Variants in SHE observed in about 807,000 individuals in gnomAD.
The protein encoded by SHE is SH2 domain-containing adapter protein E.
A neutral mutation model predicts 49.8 loss-of-function variants in SHE; 11 were observed. The observed-to-expected ratio is 0.22, with a 90% CI of 0.14 to 0.37. The LOEUF (loss-of-function observed/expected upper bound fraction) is 0.37. Among genes scored for constraint, SHE ranks in the 10% least tolerant of loss-of-function variants. The pLI, the probability that SHE is intolerant of heterozygous loss-of-function variation, is 1.00. For missense variants in SHE, 624 were observed against 655.5 expected (o/e 0.95, Z 0.52); for synonymous variants, 310 against 278.1 (o/e 1.11, Z -1.14).
rs1339583783 is a variant in SHE, at chr1:154,501,826, C to A, written c.201G>T (p.Lys67Asn). 2 of 1,550,820 alleles carry A rather than the reference C, an allele frequency of 1.3e-6. No homozygotes were observed. Among genetic ancestry groups the A allele is most frequent in the Admixed American group, 1.9e-5 (1 of 53,930 alleles). The part of the protein sequence containing the change: ...KPGGGGGKLR[K>N]NSEAGGAGPG... ...GCCCAGCGCCGCCCGCCTCCGAGTT[C>A]TTGCGCAATTTGCCGCCGCCGCCCC... Residue 67 changes from lysine (K) to asparagine (N), a missense_variant, in exon 1 of 6, where the codon AAG becomes AAT. Transcript: ENST00000304760.
chr1:154,475,316 A>G (rs1485878350), downstream of SHE, among the ~76,000 whole-genome samples: 1 of 152,126 alleles, frequency 6.6e-6, no homozygotes, highest in Non-Finnish European at 1.5e-5. Context: ...CCTCCTGAGT[A>G]GCTGGGATTA....
rs1202560899 is a variant in SHE, at chr1:154,483,997, C to CAAACA, written c.*147_*151dup. ...TGGGCAACACAGCGAGACTTCGTCTCAAACAAAACAAAACAAATCACTCTC... is the reference window on the plus strand; with the variant it reads ...TGGGCAACACAGCGAGACTTCGTCTCAAACAAAACAAAACAAAACAAATCACTCTC... On this transcript the variant is annotated 3_prime_UTR_variant, in exon 6 of 6. Transcript: ENST00000304760. The CAAACA allele has an allele frequency of 3.0e-5, 43 of 1,427,866 alleles. 1 individual carries two copies. Among genetic ancestry groups the CAAACA allele is most frequent in the African/African-American group, 2.3e-4 (16 of 69,720 alleles). The allele number at this position is 1,427,866 out of a possible 1,614,324, so 88.4% of individuals were successfully genotyped here.
intron 3 of SHE, 86 bp from the exon 4 acceptor site, chr1:154,486,769 G>T: frequency 6.7e-7 from 1 of 1,496,918 alleles, no homozygotes; most frequent in South Asian, 1.2e-5. Flanking sequence ...TGCCTGCCTT[G>T]GCTCAGGAAA....
At chr1:154,476,775 T>C (rs1451137181), downstream of SHE, among the ~76,000 whole-genome samples, 1 of 152,250 alleles carries the variant, frequency 6.6e-6, no homozygotes, top group Non-Finnish European at 1.5e-5. Flanking sequence ...GTTGATAGCT[T>C]GATCAACAAA....
Position 154,501,849 on chromosome 1 carries a change from C to CGCA in SHE, c.177_178insTGC (p.Gly59_Gly60insCys), listed in dbSNP as rs768101029. On this transcript the variant is annotated inframe_insertion, in exon 1 of 6. Coordinates refer to ENST00000304760, the MANE Select transcript of SHE (RefSeq NM_001010846.3). ...TTCTTGCGCAATTTGCCGCCGCCGC[C>CGCA]CCCGGGCTTGGCCCGCTCCGACACG... 29 of 1,539,962 alleles carry CGCA rather than the reference C, an allele frequency of 1.9e-5. No individual in the cohort carries two copies. Among genetic ancestry groups the CGCA allele is most frequent in the East Asian group, 1.5e-4 (6 of 40,768 alleles).
intron 2 of SHE, among the ~76,000 whole-genome samples, chr1:154,490,188 A>T (rs1440840970): frequency 6.6e-6 from 1 of 152,206 alleles, no homozygotes; most frequent in African/African-American, 2.4e-5. Context: ...CACATTCACG[A>T]ATAATATGTA....
intron 1 of SHE, among the ~76,000 whole-genome samples, chr1:154,471,709 G>C (rs966174818): frequency 1.3e-5 from 2 of 151,878 alleles, no homozygotes; most frequent in African/African-American, 4.8e-5. Flanking sequence ...CTCTCTCTGT[G>C]TGTGTGTGTA....
intron 3 of SHE, among the ~76,000 whole-genome samples, chr1:154,487,708 G>T (rs1316350751): frequency 6.6e-6 from 1 of 151,574 alleles, no homozygotes; most frequent in Non-Finnish European, 1.5e-5. Context: ...GAATAATCCG[G>T]GAGTGGTGGT....
At position 154,489,153 on chromosome 1, in the gene SHE, G is replaced by A. The variant is rs751927506; in HGVS notation, c.922C>T (p.Arg308Trp). ...TCGGGCAGCCGGCTGTCTGGGGGCC[G>A]CGCCTTCCCCTCTGCCCTGGGCCCC... ...EGGPRAEGKARPPDSRLPEND... is the reference protein window; with the variant it reads ...EGGPRAEGKAWPPDSRLPEND... Residue 308 changes from arginine (R) to tryptophan (W), a missense_variant, in exon 3 of 6, where the codon CGG (arginine) becomes TGG (tryptophan). Arg to Trp is a moderately radical substitution (Grantham distance 101). This residue lies in a region of SHE where 155 missense variants were observed against 142.0 expected (regional missense o/e 1.09). Transcript: ENST00000304760. The A allele has an allele frequency of 9.3e-6, 15 of 1,613,974 alleles. No homozygotes were observed. The highest frequency in any genetic ancestry group is 3.3e-5 in the Admixed American group (2 of 59,982).
intron 2 of SHE, 152 bp downstream of exon 2, chr1:154,498,960 C>A (rs1692620784): frequency 1.2e-5 from 11 of 931,028 alleles, no homozygotes; most frequent in Non-Finnish European, 1.7e-5. Flanking sequence ...AATAGTCCGA[C>A]ATTAGTTTGG....
In SHE at chr1:154,483,448, G is replaced by A. The variant is rs1692075949; in HGVS notation, c.*701C>T. 8 of 985,244 alleles carry A rather than the reference G, an allele frequency of 8.1e-6. No individual in the cohort carries two copies. In the South Asian group the frequency reaches 1.4e-4, roughly 17 times the overall value. The allele number at this position is 985,244 out of a possible 1,614,324, so 61.0% of individuals were successfully genotyped here. A position where few individuals can be genotyped will look rare whatever the true frequency, so the allele number is the denominator to read the frequency against. On this transcript the variant is annotated 3_prime_UTR_variant, in exon 6 of 6. Coordinates refer to ENST00000304760, the MANE Select transcript of SHE (RefSeq NM_001010846.3). ...ATCCTCTTCCAGTCTGCACCATCAT[G>A]TGGAAAAGCCACGTGGATTTTTTGT...
chr1:154,486,537 C>T lies in SHE; in HGVS notation c.1171G>A (p.Glu391Lys). ...GAGGAGGAGACTCACGGCTGCTTCT[C>T]CAGGGGCAGGCCCGGGTCCACTTTC... ...GEKVDPGLPL[E>K]KQPWYHGAIS... Residue 391 changes from glutamate to lysine, a missense_variant, in exon 4 of 6, where the codon GAG (glutamate) becomes AAG (lysine). Coordinates refer to ENST00000304760, the MANE Select transcript of SHE (RefSeq NM_001010846.3). The T allele has an allele frequency of 6.2e-7, 1 of 1,614,116 alleles. No individual in the cohort carries two copies. Among genetic ancestry groups the T allele is most frequent in the Non-Finnish European group, 8.5e-7 (1 of 1,180,012 alleles).
chr1:154,494,206 TTTC>T (rs1355608028), intron 2 of SHE, among the ~76,000 whole-genome samples: 11 of 152,296 alleles, frequency 7.2e-5, no homozygotes, highest in Admixed American at 5.9e-4. Context: ...ACTTTAATAT[TTTC>T]TTATTGAATA....
Position 154,489,217 on chromosome 1 carries a change from C to T in SHE, c.858G>A (p.Pro286=), listed in dbSNP as rs897133025. The T allele has an allele frequency of 3.1e-6, 5 of 1,614,062 alleles. No individual in the cohort carries two copies. Among genetic ancestry groups the T allele is most frequent in the African/African-American group, 2.7e-5 (2 of 74,912 alleles). ...CGTAGGGAGTGTCGTATAGCTGTGG[C>T]GGCTTCCCCAGGAGGTCCTTGGAAC... is the stretch of plus-strand genomic sequence containing the variant. ...RRSSKDLLGK[P]PQLYDTPYEP... Residue 286 remains proline (P), a synonymous_variant, in exon 3 of 6, where the codon CCG becomes CCA. Transcript: ENST00000304760.
At chr1:154,470,297 T>C in exon 2 of SHE, 3 of 1,288,694 alleles carry the variant, frequency 2.3e-6, no homozygotes, top group Non-Finnish European at 2.0e-6. Context: ...CTTCATGGCA[T>C]TGCTGTTAGG....
At chr1:154,488,957 A>G (rs1028429814) in intron 3 of SHE, 94 bp downstream of exon 3, 34 of 1,429,428 alleles carry the variant, frequency 2.4e-5, no homozygotes, top group Non-Finnish European at 2.9e-5. Context: ...AAAGGAATAT[A>G]AAGGTACCCA....
Position 154,501,680 on chromosome 1 carries a change from G to A in SHE, c.347C>T (p.Ala116Val), listed in dbSNP as rs373752177. ...DSLQGLIQAA[A>V]GKGRKNSRAT... ...CCGGGAGTTTTTGCGGCCCTTGCCC[G>A]CGGCGGCCTGAATCAGACCCTGCAG... is the stretch of plus-strand genomic sequence containing the variant. The change falls in exon 1 of 6, where the codon GCG (alanine) becomes GTG (valine). Residue 116 changes from alanine to valine, a missense_variant. Ala to Val is a moderately conservative substitution (Grantham distance 64). Around this residue, in one of 4 missense-constraint regions of SHE, gnomAD observed 337 missense variants for 306.0 expected, o/e 1.10. Transcript: ENST00000304760. The A allele has an allele frequency of 5.0e-6, 8 of 1,613,218 alleles. No homozygotes were observed. The highest frequency in any genetic ancestry group is 1.6e-4 in the Middle Eastern group (1 of 6,078).
chr1:154,501,731 T>C lies in SHE; in HGVS notation c.296A>G (p.Lys99Arg). The C allele has an allele frequency of 6.3e-7, 1 of 1,589,882 alleles. No homozygotes were observed. Among genetic ancestry groups the C allele is most frequent in the Non-Finnish European group, 8.5e-7 (1 of 1,171,518 alleles). The change falls in exon 1 of 6, where the codon AAG becomes AGG. Residue 99 changes from lysine to arginine, a missense_variant. This residue lies in a region of SHE where 337 missense variants were observed against 306.0 expected (regional missense o/e 1.10). Transcript: ENST00000304760. Reference protein sequence around the residue: ...LGSGRAGVGPKDSRLSRDSLQ... With the variant: ...LGSGRAGVGPRDSRLSRDSLQ... ...GCTGTCGCGGGACAGCCGGCTGTCC[T>C]TGGGGCCGACGCCGGCCCTGCCGCT... is the stretch of plus-strand genomic sequence containing the variant.
In SHE at chr1:154,480,353, A is replaced by G; in HGVS notation, c.*3796T>C. On this transcript the variant is annotated 3_prime_UTR_variant, in exon 6 of 6. Coordinates refer to ENST00000304760, the MANE Select transcript of SHE (RefSeq NM_001010846.3). ...ACAAGGGGCTAACCTTTGACTGAAA[A>G]AGGGCATCTGACAGAACAGAAACTA... 6.1e-6 allele frequency: 6 copies of G among 985,422 alleles called. No homozygotes were observed. Among genetic ancestry groups the G allele is most frequent in the Middle Eastern group, 5.2e-4 (1 of 1,914 alleles). 61.0% of individuals were successfully genotyped at this position (985,422 alleles called of 1,614,324 possible). A position where few individuals can be genotyped will look rare whatever the true frequency, so the allele number is the denominator to read the frequency against.
Sources: gnomAD v4.1 joint callset for allele counts (sites outside exome capture counted in the v4.1 genomes callset) on GRCh38, gnomAD v4.1.1 for gene constraint, gnomAD v4.1.1 regional missense constraint, MANE v1.5 for transcripts, NCBI Gene and HGNC (gene_info 2026-07-23, HGNC 2026-07-21) for gene names.